The following FRMD4B variants were observed in gnomAD, a reference collection of about 807,000 sequenced individuals.
FRMD4B encodes the protein FERM domain-containing protein 4B.
In FRMD4B, 74 loss-of-function variants were observed where a neutral mutation model predicts 141.5. That is an observed-to-expected ratio of 0.52 (90% CI 0.43 to 0.63). FRMD4B has a LOEUF of 0.63. Ranked by LOEUF, FRMD4B falls within the 30% of genes least tolerant of loss-of-function variation. FRMD4B has a pLI of 0.00. For missense variants in FRMD4B, 1,366 were observed against 1,253.4 expected, an observed-to-expected ratio of 1.09 and a Z score of -1.36; for synonymous variants, 506 against 467.9, an observed-to-expected ratio of 1.08 and a Z score of -1.05.
At chr3:69,176,914 G>T (rs2092652186) in intron 21 of FRMD4B, among the ~76,000 whole-genome samples, 1 of 152,100 alleles carries the variant, frequency 6.6e-6, no homozygotes, top group Non-Finnish European at 1.5e-5. Context: ...TAGGTATGAT[G>T]CCAGGATTAA....
At chr3:69,536,403 C>A in intron 1 of FRMD4B, 1 of 716,732 alleles carries the variant, frequency 1.4e-6, no homozygotes. Context: ...TGGCCAGCGC[C>A]TGCTTCAGCA....
At chr3:69,367,536 ATTATC>A in intron 1 of FRMD4B, among the ~76,000 whole-genome samples, 1 of 29,776 alleles carries the variant, frequency 3.4e-5, no homozygotes, top group Non-Finnish European at 1.4e-4. Context: ...ATCATTGACA[ATTATC>A]TGGGCCAATA....
At chr3:69,240,144 T>C (rs1398736056) in intron 7 of FRMD4B, among the ~76,000 whole-genome samples, 4 of 152,092 alleles carry the variant, frequency 2.6e-5, no homozygotes, top group Admixed American at 6.6e-5. Context: ...ATAAATTTTA[T>C]GTATATTTTA....
chr3:69,499,994 A>G (rs1706465114), intron 1 of FRMD4B, among the ~76,000 whole-genome samples: 1 of 152,248 alleles, frequency 6.6e-6, no homozygotes, highest in South Asian at 2.1e-4. Flanking sequence ...ATGTGATGAC[A>G]GACTGGGTTC....
rs58620572 is a variant in FRMD4B, at chr3:69,283,402, A to AACAACAACAAC, written c.501+4349_501+4350insGTTGTTGTTGT. Among the ~76,000 whole-genome samples the AACAACAACAAC allele has an allele frequency of 3.9e-3, 430 of 109,636 alleles. 4 individuals are homozygous for AACAACAACAAC. Among genetic ancestry groups the AACAACAACAAC allele is most frequent in the African/African-American group, 0.011 (333 of 31,254 alleles). The allele number at this position is 109,636 out of a possible 152,430, so 71.9% of individuals were successfully genotyped here. A position where few individuals can be genotyped will look rare whatever the true frequency, so the allele number is the denominator to read the frequency against. ...TCCATCTCAAAACAACAACAACAACAAACAAAAAACAAAAAAGCAACAACA... is the reference window on the plus strand; with the variant it reads ...TCCATCTCAAAACAACAACAACAACAACAACAACAACAACAAAAAACAAAAAAGCAACAACA... On this transcript the variant is annotated intron_variant, in intron 5 of 22. Coordinates refer to ENST00000398540, the MANE Select transcript of FRMD4B (RefSeq NM_015123.3).
intron 7 of FRMD4B, among the ~76,000 whole-genome samples, chr3:69,238,391 T>A (rs1311000376): frequency 6.6e-6 from 1 of 152,210 alleles, no homozygotes; most frequent in African/African-American, 2.4e-5. Flanking sequence ...TGAGCCTGCA[T>A]TTCCATATTA....
At chr3:69,184,360 C>T (rs1373302576) in intron 19 of FRMD4B, among the ~76,000 whole-genome samples, 2 of 152,138 alleles carry the variant, frequency 1.3e-5, no homozygotes, top group African/African-American at 4.8e-5. Context: ...TTTTTCAACG[C>T]TCACTTTTTA....
At chr3:69,286,933 TA>T (rs963825552) in intron 5 of FRMD4B, among the ~76,000 whole-genome samples, 1 of 152,130 alleles carries the variant, frequency 6.6e-6, no homozygotes, top group African/African-American at 2.4e-5. Flanking sequence ...GCCTCCCGAG[TA>T]GCTGGGATTA....
At chr3:69,238,300 C>T (rs753820969) in intron 7 of FRMD4B, among the ~76,000 whole-genome samples, 3 of 152,166 alleles carry the variant, frequency 2.0e-5, no homozygotes, top group East Asian at 1.9e-4. Flanking sequence ...TGCAGTAATA[C>T]GGTTTGGCCT....
intron 1 of FRMD4B, among the ~76,000 whole-genome samples, chr3:69,344,492 A>G (rs933193442): frequency 2.0e-5 from 3 of 152,242 alleles, no homozygotes; most frequent in Non-Finnish European, 4.4e-5. Context: ...TAAGCTGAAA[A>G]ATAGCCTCAG....
chr3:69,524,308 G>T (rs1421356467), intron 1 of FRMD4B, among the ~76,000 whole-genome samples: 1 of 152,204 alleles, frequency 6.6e-6, no homozygotes, highest in African/African-American at 2.4e-5. Flanking sequence ...AAATGTATCA[G>T]TCTCAGAAGA....
chr3:69,183,724 C>T (rs2092735000), intron 19 of FRMD4B, among the ~76,000 whole-genome samples: 3 of 151,920 alleles, frequency 2.0e-5, no homozygotes, highest in African/African-American at 2.4e-5. Flanking sequence ...CCTTGTGATC[C>T]GCCCACCTCG....
chr3:69,393,083 A>G (rs1490767232), intron 2 of FRMD4B, among the ~76,000 whole-genome samples: 2 of 152,144 alleles, frequency 1.3e-5, no homozygotes, highest in Non-Finnish European at 2.9e-5. Flanking sequence ...TGCCTTCATG[A>G]CTATGAATGG....
At chr3:69,226,974 A>G (rs1408909489) in intron 7 of FRMD4B, among the ~76,000 whole-genome samples, 1 of 152,176 alleles carries the variant, frequency 6.6e-6, no homozygotes, top group Non-Finnish European at 1.5e-5. Context: ...CAGGCATTTA[A>G]TACATGTCTG....
At chr3:69,263,453 C>T (rs1014722003) in intron 5 of FRMD4B, among the ~76,000 whole-genome samples, 8 of 143,202 alleles carry the variant, frequency 5.6e-5, no homozygotes, top group Non-Finnish European at 1.0e-4. Context: ...CTCTGTCACC[C>T]AGGAGTGCAG....
intron 1 of FRMD4B, among the ~76,000 whole-genome samples, chr3:69,454,563 G>A (rs1705555809): frequency 6.6e-6 from 1 of 152,238 alleles, no homozygotes; most frequent in South Asian, 2.1e-4. Context: ...CCCGGGCAGT[G>A]AGGGGCTTAG....
intron 1 of FRMD4B, among the ~76,000 whole-genome samples, chr3:69,345,084 T>C (rs1004657095): frequency 6.6e-6 from 1 of 152,040 alleles, no homozygotes; most frequent in African/African-American, 2.4e-5. Context: ...TTCCCTTTCC[T>C]AGCAAAGTGA....
intron 1 of FRMD4B, among the ~76,000 whole-genome samples, chr3:69,487,184 G>A (rs1706228558): frequency 6.6e-6 from 1 of 152,154 alleles, no homozygotes; most frequent in Non-Finnish European, 1.5e-5. Flanking sequence ...TACTGTGCTG[G>A]AGCAGTCTCA....
At chr3:69,527,958 A>G (rs1157974688) in intron 1 of FRMD4B, among the ~76,000 whole-genome samples, 1 of 152,250 alleles carries the variant, frequency 6.6e-6, no homozygotes, top group African/African-American at 2.4e-5. Flanking sequence ...TAAAGGAATC[A>G]CAAATGCAGA....
Sources: allele counts gnomAD v4.1 joint callset (sites outside exome capture counted in the v4.1 genomes callset), GRCh38; gene constraint gnomAD v4.1.1; transcripts MANE v1.5; gene names NCBI Gene and HGNC (gene_info 2026-07-23, HGNC 2026-07-21).